Variants in KCNG2 observed in about 807,000 individuals in gnomAD.
KCNG2 encodes potassium voltage-gated channel modifier subfamily G member 2.
A neutral mutation model predicts 12.3 loss-of-function variants in KCNG2; 7 were observed. The ratio of observed to expected loss-of-function variants is 0.57; its 90% CI spans 0.32 to 1.07. The LOEUF (loss-of-function observed/expected upper bound fraction) is 1.07, where lower values mean the gene tolerates loss of function less well. KCNG2 is among the 50% of genes least tolerant of loss of function. KCNG2 has a pLI of 0.04. For missense variants in KCNG2, 703 were observed against 726.0 expected (o/e 0.97, Z 0.36); for synonymous variants, 414 against 351.4 (o/e 1.18, Z -1.99).
chr18:79,896,898 G>A lies in KCNG2; in HGVS notation c.625-2142G>A, dbSNP rs116216465. On this transcript the variant is annotated intron_variant, in intron 3 of 3. Coordinates refer to ENST00000316249, the MANE Select transcript of KCNG2 (RefSeq NM_012283.2). ...TTTTTTTCCTTTGAGCACTTTGGAT[G>A]TGCTATCCCACTGCCTTATGGCTTG... Among the ~76,000 whole-genome samples the A allele has an allele frequency of 6.2e-3, 950 of 152,306 alleles. 13 individuals are homozygous for A. Among genetic ancestry groups the A allele is most frequent in the African/African-American group, 0.022 (906 of 41,552 alleles).
At chr18:79,890,501 G>A (rs1980707249) in intron 3 of KCNG2, among the ~76,000 whole-genome samples, 1 of 152,090 alleles carries the variant, frequency 6.6e-6, no homozygotes, top group African/African-American at 2.4e-5. Context: ...TGCAGTGTCT[G>A]CTGTTGCCAT....
chr18:79,813,678 T>C (rs2087508482), intron 1 of KCNG2, among the ~76,000 whole-genome samples: 1 of 152,210 alleles, frequency 6.6e-6, no homozygotes, highest in Admixed American at 6.5e-5. Context: ...GGAAATTCAC[T>C]GGGACACAGG....
At chr18:79,813,972 A>T (rs1436657276) in intron 1 of KCNG2, among the ~76,000 whole-genome samples, 3 of 152,204 alleles carry the variant, frequency 2.0e-5, no homozygotes, top group African/African-American at 7.2e-5. Context: ...CACTGTGGAA[A>T]ACTCATGGAA....
chr18:79,857,927 G>A (rs182716140), intron 2 of KCNG2, among the ~76,000 whole-genome samples: 3 of 151,902 alleles, frequency 2.0e-5, no homozygotes, highest in East Asian at 1.9e-4. Flanking sequence ...ACTCCCCATC[G>A]CCCCTCTTCC....
chr18:79,858,532 T>G (rs2123059108), intron 2 of KCNG2, among the ~76,000 whole-genome samples: 1 of 152,364 alleles, frequency 6.6e-6, no homozygotes, highest in South Asian at 2.1e-4. Flanking sequence ...TGAACATTTA[T>G]GTACAAGTTT....
At chr18:79,872,950 GC>G (rs1222335794) in intron 3 of KCNG2, among the ~76,000 whole-genome samples, 3 of 152,196 alleles carry the variant, frequency 2.0e-5, no homozygotes, top group Admixed American at 1.3e-4. Flanking sequence ...GGTGGGGACC[GC>G]CCCTCCGGGA....
At chr18:79,843,878 A>G (rs577125531) in intron 1 of KCNG2, among the ~76,000 whole-genome samples, 1 of 152,318 alleles carries the variant, frequency 6.6e-6, no homozygotes, top group South Asian at 2.1e-4. Flanking sequence ...TTTCTAACCT[A>G]TCAATAATTA....
intron 1 of KCNG2, among the ~76,000 whole-genome samples, chr18:79,805,261 G>A (rs1007297750): frequency 2.0e-5 from 3 of 152,222 alleles, no homozygotes; most frequent in African/African-American, 4.8e-5. Flanking sequence ...CCGCCTCACC[G>A]CACTGCATTT....
At chr18:79,810,832 T>A (rs950987422) in intron 1 of KCNG2, among the ~76,000 whole-genome samples, 2 of 152,172 alleles carry the variant, frequency 1.3e-5, no homozygotes, top group Non-Finnish European at 2.9e-5. Flanking sequence ...CTCTGAATGA[T>A]GAGGACTGTC....
At chr18:79,875,185 G>T (rs1980017829) in intron 3 of KCNG2, among the ~76,000 whole-genome samples, 1 of 152,150 alleles carries the variant, frequency 6.6e-6, no homozygotes, top group South Asian at 2.1e-4. Flanking sequence ...GTGAGGACTG[G>T]CCATGAGGAG....
At chr18:79,828,789 C>G (rs1272377925) in intron 1 of KCNG2, among the ~76,000 whole-genome samples, 1 of 94,770 alleles carries the variant, frequency 1.1e-5, no homozygotes. Flanking sequence ...TCTGTGTGTG[C>G]ATGTGTCTGT....
intron 1 of KCNG2, chr18:79,816,038 T>C (rs1229015273): frequency 6.6e-6 from 1 of 152,254 alleles, no homozygotes; most frequent in Non-Finnish European, 1.5e-5. Context: ...ACTGTCTGAT[T>C]TTCCATTTTT....
At chr18:79,842,556 A>G (rs1978493805) in intron 1 of KCNG2, among the ~76,000 whole-genome samples, 1 of 152,186 alleles carries the variant, frequency 6.6e-6, no homozygotes, top group African/African-American at 2.4e-5. Context: ...AATTCAAAAT[A>G]ATAATCTTAA....
intron 3 of KCNG2, among the ~76,000 whole-genome samples, chr18:79,871,752 T>C (rs1430045419): frequency 1.3e-5 from 2 of 152,322 alleles, no homozygotes; most frequent in Admixed American, 6.5e-5. Flanking sequence ...CCCGTTGGCC[T>C]GGACGTCTGC....
chr18:79,863,958 C>A lies in KCNG2; in HGVS notation c.291C>A (p.Cys97Ter). 7.8e-7 allele frequency: 1 copy of A among 1,288,776 alleles called. No homozygotes were observed. The highest frequency in any genetic ancestry group is 9.9e-7 in the Non-Finnish European group (1 of 1,011,154). The allele number at this position is 1,288,776 out of a possible 1,614,324, so 79.8% of individuals were successfully genotyped here. A position where few individuals can be genotyped will look rare whatever the true frequency, so the allele number is the denominator to read the frequency against. The change falls in exon 3 of 4, where the codon TGC becomes TGA. Residue 97 changes from cysteine (C) to a stop codon, truncating the protein, a stop_gained. Transcript: ENST00000316249. LOFTEE classifies it high-confidence loss of function. ...AGKLRLLRGP[C>*]ALAFRDELAY... ...AGCTGCGACTGCTGCGGGGCCCGTG[C>A]GCGCTGGCCTTCCGCGACGAGCTGG...
intron 3 of KCNG2, among the ~76,000 whole-genome samples, chr18:79,867,303 C>G (rs1026110800): frequency 2.6e-5 from 4 of 151,946 alleles, no homozygotes; most frequent in Non-Finnish European, 5.9e-5. Context: ...AAGGCCTGGG[C>G]AGAAGTGTGT....
At chr18:79,839,164 G>A (rs2123035431) in intron 1 of KCNG2, among the ~76,000 whole-genome samples, 1 of 152,218 alleles carries the variant, frequency 6.6e-6, no homozygotes, top group Non-Finnish European at 1.5e-5. Context: ...GAATATGTGG[G>A]CGCATGCCTG....
At chr18:79,895,797 T>A (rs1406745288) in intron 3 of KCNG2, among the ~76,000 whole-genome samples, 2 of 152,200 alleles carry the variant, frequency 1.3e-5, no homozygotes, top group African/African-American at 4.8e-5. Context: ...GTTCACTCCA[T>A]TCACATCTAC....
At chr18:79,845,741 T>C (rs1231724948) in intron 1 of KCNG2, among the ~76,000 whole-genome samples, 2 of 152,238 alleles carry the variant, frequency 1.3e-5, no homozygotes, top group East Asian at 3.9e-4. Flanking sequence ...TATACACGTG[T>C]GTATTTATGA....
Sources: allele counts gnomAD v4.1 joint callset (sites outside exome capture counted in the v4.1 genomes callset), GRCh38; gene constraint gnomAD v4.1.1; transcripts MANE v1.5; gene names NCBI Gene and HGNC (gene_info 2026-07-23, HGNC 2026-07-21).